The following ICE1 variants were observed in gnomAD, a reference collection of about 807,000 sequenced individuals.
The protein encoded by ICE1 is interactor of little elongation complex ELL subunit 1, also known as little elongation complex subunit 1.
ICE1 carries 64 observed loss-of-function variants against 192.7 expected under a neutral mutation model. The observed-to-expected ratio is 0.33, with a 90% CI of 0.27 to 0.41. The LOEUF (loss-of-function observed/expected upper bound fraction) is 0.41. Ranked by LOEUF, ICE1 falls within the 10% of genes least tolerant of loss-of-function variation. The pLI is 1.00. For synonymous variants in ICE1, 1,010 were observed against 984.5 expected, an observed-to-expected ratio of 1.03 and a Z score of -0.49; for missense variants, 2,708 against 2,696.0, an observed-to-expected ratio of 1.00 and a Z score of -0.10.
At position 5,489,855 on chromosome 5, in the gene ICE1, T is replaced by A. The variant is rs954140178; in HGVS notation, c.*525T>A. 1.3e-5 allele frequency: 2 copies of A among 152,254 alleles called. No individual in the cohort carries two copies. The highest frequency in any genetic ancestry group is 2.9e-5 in the Non-Finnish European group (2 of 68,064). The allele number at this position is 152,254 out of a possible 1,614,324, so 9.4% of individuals were successfully genotyped here. A position where few individuals can be genotyped will look rare whatever the true frequency, so the allele number is the denominator to read the frequency against. ...GTGCGTAATTGATCAGAGCAAAACA[T>A]GCAGAGCCCTTAGCAGAAACCCACT... On this transcript the variant is annotated 3_prime_UTR_variant, in exon 19 of 19. Coordinates refer to ENST00000296564, the MANE Select transcript of ICE1 (RefSeq NM_015325.3).
chr5:5,478,731 C>G (rs1739413304), intron 17 of ICE1, among the ~76,000 whole-genome samples: 1 of 152,162 alleles, frequency 6.6e-6, no homozygotes, highest in Non-Finnish European at 1.5e-5. Context: ...TAGCATGATA[C>G]TGATACCAAA....
chr5:5,456,981 T>C (rs912517117), intron 11 of ICE1, among the ~76,000 whole-genome samples: 1 of 152,158 alleles, frequency 6.6e-6, no homozygotes, highest in African/African-American at 2.4e-5. Flanking sequence ...AAGTTGTTTC[T>C]CTGCCAGATT....
chr5:5,422,969 G>T lies in ICE1; in HGVS notation c.54G>T (p.Ser18=). 6.9e-7 allele frequency: 1 copy of T among 1,455,812 alleles called. No individual in the cohort carries two copies. The highest frequency in any genetic ancestry group is 1.3e-5 in the South Asian group (1 of 75,610). The allele number at this position is 1,455,812 out of a possible 1,614,324, so 90.2% of individuals were successfully genotyped here. A position where few individuals can be genotyped will look rare whatever the true frequency, so the allele number is the denominator to read the frequency against. The part of the protein sequence containing the change: ...SAAPGTAADL[S]RCQGCASLQQ... Reference sequence around the variant, plus strand: ...CGCCCGGGACGGCGGCGGACCTGTCGCGATGTCAGGGCTGCGCCTCTCTGC... The same window carrying T: ...CGCCCGGGACGGCGGCGGACCTGTCTCGATGTCAGGGCTGCGCCTCTCTGC... Residue 18 remains serine (S), a synonymous_variant, in exon 1 of 19, where the codon TCG becomes TCT. Transcript: ENST00000296564.
At chr5:5,441,721 C>T (rs949961451) in intron 5 of ICE1, among the ~76,000 whole-genome samples, 1 of 151,988 alleles carries the variant, frequency 6.6e-6, no homozygotes, top group Non-Finnish European at 1.5e-5. Context: ...CTTTAAAGAA[C>T]CTACTCTCAT....
chr5:5,472,466 A>G (rs1019084387), intron 15 of ICE1, among the ~76,000 whole-genome samples: 7 of 152,224 alleles, frequency 4.6e-5, no homozygotes, highest in African/African-American at 1.7e-4. Flanking sequence ...TAGGTACTCA[A>G]AAAAGTGAAT....
chr5:5,457,270 T>C (rs1038166596), intron 11 of ICE1, 62 bp from the exon 12 acceptor site: 26 of 1,424,064 alleles, frequency 1.8e-5, no homozygotes, highest in African/African-American at 1.3e-4. Context: ...TTCTTTCTTT[T>C]TTTTTTTTAA....
In ICE1 at chr5:5,468,887, C is replaced by G; in HGVS notation, c.6121C>G (p.Leu2041Val). 1 of 1,605,100 alleles carries G rather than the reference C, an allele frequency of 6.2e-7. No homozygotes were observed. Among genetic ancestry groups the G allele is most frequent in the Non-Finnish European group, 8.5e-7 (1 of 1,176,096 alleles). The part of the protein sequence containing the change: ...FIANMWHDIF[L>V]SQSVINKAMQ... ...TGCAAACATGTGGCATGATATATTT[C>G]TCTCTCAATCGGTGATTAATAAAGC... The change falls in exon 15 of 19, where the codon CTC becomes GTC. Residue 2041 changes from leucine to valine, a missense_variant. By Grantham distance (32) the Leu-to-Val change is conservative. Transcript: ENST00000296564.
Position 5,461,186 on chromosome 5 carries a change from G to A in ICE1, c.1852G>A (p.Gly618Arg), listed in dbSNP as rs768191487. 5.0e-6 allele frequency: 8 copies of A among 1,613,994 alleles called. No individual in the cohort carries two copies. Among genetic ancestry groups the A allele is most frequent in the South Asian group, 4.4e-5 (4 of 91,086 alleles). ...ATCAGAAGATGATGACTCAGGTGATGGAATGGATGTAGCAGGGCTTGACAT... is the reference window on the plus strand; with the variant it reads ...ATCAGAAGATGATGACTCAGGTGATAGAATGGATGTAGCAGGGCTTGACAT... Reference protein sequence around the residue: ...PESEDDDSGDGMDVAGLDIET... With the variant: ...PESEDDDSGDRMDVAGLDIET... Residue 618 changes from glycine to arginine, a missense_variant, in exon 13 of 19, where the codon GGA becomes AGA. Coordinates refer to ENST00000296564, the MANE Select transcript of ICE1 (RefSeq NM_015325.3).
chr5:5,430,156 G>A (rs765080283), intron 1 of ICE1, among the ~76,000 whole-genome samples: 1 of 152,186 alleles, frequency 6.6e-6, no homozygotes, highest in Non-Finnish European at 1.5e-5. Flanking sequence ...CATAGCAGCT[G>A]GACCTGTGCA....
Position 5,463,455 on chromosome 5 carries a change from C to G in ICE1, c.4121C>G (p.Ser1374Cys), listed in dbSNP as rs908335977. The G allele has an allele frequency of 6.2e-7, 1 of 1,612,826 alleles. No individual in the cohort carries two copies. The highest frequency in any genetic ancestry group is 1.3e-5 in the African/African-American group (1 of 75,034). The change falls in exon 13 of 19, where the codon TCT becomes TGT. Residue 1374 changes from serine (S) to cysteine (C), a missense_variant. Physicochemically the swap from Ser to Cys is moderately radical, Grantham distance 112. Around this residue, in one of 2 missense-constraint regions of ICE1, gnomAD observed 2,366 missense variants for 2,276.6 expected, o/e 1.04. Coordinates refer to ENST00000296564, the MANE Select transcript of ICE1 (RefSeq NM_015325.3). ...PEPVEPSALC[S>C]DSVMEPSIEQ... The stretch of plus-strand genomic sequence containing the variant: ...CCTGTGGAGCCATCAGCCTTGTGCT[C>G]TGACTCTGTGATGGAGCCATCCATA...
At chr5:5,469,220 A>G (rs1479493639) in intron 15 of ICE1, among the ~76,000 whole-genome samples, 3 of 152,250 alleles carry the variant, frequency 2.0e-5, no homozygotes, top group Non-Finnish European at 4.4e-5. Context: ...AGTTTGTGTT[A>G]TACACTAATT....
intron 1 of ICE1, among the ~76,000 whole-genome samples, chr5:5,432,668 T>C (rs1447451512): frequency 6.6e-6 from 1 of 152,200 alleles, no homozygotes; most frequent in Non-Finnish European, 1.5e-5. Context: ...CTCCACATCA[T>C]CATCAACACT....
chr5:5,484,211 A>G (rs1739577779), intron 17 of ICE1, among the ~76,000 whole-genome samples: 1 of 152,100 alleles, frequency 6.6e-6, no homozygotes, highest in Non-Finnish European at 1.5e-5. Flanking sequence ...TCCCCAAATC[A>G]TCTACTAGAC....
intron 17 of ICE1, among the ~76,000 whole-genome samples, chr5:5,479,373 C>G (rs1046827972): frequency 6.6e-6 from 1 of 152,160 alleles, no homozygotes; most frequent in Non-Finnish European, 1.5e-5. Context: ...TAGAGAAACG[C>G]AAATCAAAAC....
chr5:5,462,276 G>A lies in ICE1; in HGVS notation c.2942G>A (p.Gly981Glu). ...AGAGAAGCTGCAGTGCAGGGAGATG[G>A]GCAGAAGCAAAGGCAGCCTCAGGCC... is the stretch of plus-strand genomic sequence containing the variant. ...IVREAAVQGD[G>E]QKQRQPQATD... Residue 981 changes from glycine to glutamate, a missense_variant, in exon 13 of 19, where the codon GGG becomes GAG. Transcript: ENST00000296564. The A allele has an allele frequency of 1.2e-6, 2 of 1,613,434 alleles. No homozygotes were observed. Among genetic ancestry groups the A allele is most frequent in the Non-Finnish European group, 8.5e-7 (1 of 1,179,588 alleles).
intron 17 of ICE1, among the ~76,000 whole-genome samples, chr5:5,483,772 GA>G (rs1355748117): frequency 6.6e-6 from 1 of 152,172 alleles, no homozygotes. Flanking sequence ...CCTAGAGCTA[GA>G]AAAACACTGT....
In ICE1 at chr5:5,453,521, G is replaced by T. The variant is rs150782802; in HGVS notation, c.605-1031G>T. On this transcript the variant is annotated intron_variant, in intron 10 of 18. Transcript: ENST00000296564. The stretch of plus-strand genomic sequence containing the variant: ...TAAGCTTCTCTTGAACTGGAGTAAA[G>T]ATTTCACTAATATCAGTAAATGCTT... 1.5e-3 allele frequency among the ~76,000 whole-genome samples: 233 copies of T among 152,210 alleles called. 3 individuals are homozygous for T. In the East Asian group the frequency reaches 0.027, roughly 18 times the overall value.
intron 12 of ICE1, among the ~76,000 whole-genome samples, chr5:5,460,164 T>G (rs1185926848): frequency 2.0e-5 from 3 of 152,112 alleles, no homozygotes; most frequent in African/African-American, 7.2e-5. Context: ...CATAACCCTG[T>G]GTAGAGTGGG....
intron 1 of ICE1, among the ~76,000 whole-genome samples, chr5:5,426,302 G>A (rs1053203315): frequency 5.3e-5 from 8 of 152,030 alleles, no homozygotes; most frequent in African/African-American, 2.4e-5. Flanking sequence ...AAAATTAGCC[G>A]GGCATGGTGG....
Sources: allele counts gnomAD v4.1 joint callset (sites outside exome capture counted in the v4.1 genomes callset), GRCh38; gene constraint gnomAD v4.1.1; regional missense constraint gnomAD v4.1.1; transcripts MANE v1.5; gene names NCBI Gene and HGNC (gene_info 2026-07-23, HGNC 2026-07-21).